The following RGPD1 variants were observed in gnomAD, a reference collection of about 807,000 sequenced individuals.
The protein encoded by RGPD1 is RANBP2-like and GRIP domain-containing protein 1.
Under a neutral mutation model 40.6 loss-of-function variants are expected in RGPD1, and 7 were observed. The ratio of observed to expected loss-of-function variants is 0.17; its 90% CI spans 0.10 to 0.32. The LOEUF (loss-of-function observed/expected upper bound fraction) is 0.32, where lower values mean the gene tolerates loss of function less well. Ranked by LOEUF, RGPD1 falls within the 10% of genes least tolerant of loss-of-function variation. The pLI is 1.00. For synonymous variants in RGPD1, 24 were observed against 167.0 expected, an observed-to-expected ratio of 0.14 and a Z score of 6.60; for missense variants, 50 against 472.5, an observed-to-expected ratio of 0.11 and a Z score of 8.29.
intron 1 of RGPD1, among the ~76,000 whole-genome samples, chr2:86,949,083 TATAA>T (rs1177797192): frequency 2.9e-5 from 4 of 138,494 alleles, no homozygotes; most frequent in Non-Finnish European, 6.2e-5. Flanking sequence ...TGGAAGATTA[TATAA>T]ATAAACATTT....
intron 1 of RGPD1, among the ~76,000 whole-genome samples, chr2:86,945,000 G>A (rs1338698880): frequency 6.7e-6 from 1 of 149,856 alleles, no homozygotes; most frequent in East Asian, 2.0e-4. Flanking sequence ...ACAGGTGTGA[G>A]CCACTCTGCT....
chr2:86,942,475 A>ACCTGGCCGGGCGGCGGCGGCGGCCTCGG (rs1309233320), intron 1 of RGPD1, among the ~76,000 whole-genome samples, 167 bp downstream of exon 1: 1 of 115,832 alleles, frequency 8.6e-6, no homozygotes, highest in Non-Finnish European at 1.8e-5. Context: ...GCCGGCCTCG[A>ACCTGGCCGGGCGGCGGCGGCGGCCTCGG]CCTGGCCGGG....
rs910597730 is a variant in RGPD1, at chr2:86,942,437, G to T, written c.72+129G>T. The T allele has an allele frequency of 1.2e-5, 12 of 980,426 alleles. 1 individual carries two copies. The highest frequency in any genetic ancestry group is 1.6e-5 in the African/African-American group (1 of 60,658). The allele number at this position is 980,426 out of a possible 1,614,324, so 60.7% of individuals were successfully genotyped here. The stretch of plus-strand genomic sequence containing the variant: ...TCAGGCGTCATGGCTCCCGACGGGC[G>T]CTGCTCCCTGGCGCGCTCTGTTGAG... On this transcript the variant is annotated intron_variant, in intron 1 of 22. Transcript: ENST00000641458.
intron 1 of RGPD1, chr2:86,914,047 G>A (rs1348711312): frequency 5.1e-5 from 4 of 78,268 alleles, no homozygotes; most frequent in East Asian, 8.3e-4. Flanking sequence ...GGCGGCGGCG[G>A]CGGCGGCGGC....
rs1553447684 is a variant in RGPD1 at position 86,942,542 on chromosome 2, C to CGGCGGCGGCGGCCTCGACCTGGCCA, written c.72+252_72+253insCTGGCCAGGCGGCGGCGGCCTCGAC. On this transcript the variant is annotated intron_variant, in intron 1 of 22. Transcript: ENST00000641458. The stretch of plus-strand genomic sequence containing the variant: ...CGGCGGCGGCCTCGACCTGGCCGGG[C>CGGCGGCGGCGGCCTCGACCTGGCCA]GGCGGCGGCGGCCTCGACGTGGCCC... Among the ~76,000 whole-genome samples, 2 of 74,042 alleles carry CGGCGGCGGCGGCCTCGACCTGGCCA rather than the reference C, an allele frequency of 2.7e-5. 1 individual carries two copies. The highest frequency in any genetic ancestry group is 9.0e-5 in the African/African-American group (2 of 22,286). 48.6% of individuals were successfully genotyped at this position (74,042 alleles called of 152,430 possible).
At chr2:86,943,979 A>G (rs1230333842) in intron 1 of RGPD1, among the ~76,000 whole-genome samples, 2 of 151,822 alleles carry the variant, frequency 1.3e-5, no homozygotes, top group Non-Finnish European at 1.5e-5. Flanking sequence ...GCGCTACTGC[A>G]CTCCAGCCTG....
At chr2:86,942,006 C>T (rs1344441993), upstream of RGPD1, among the ~76,000 whole-genome samples, 1 of 151,854 alleles carries the variant, frequency 6.6e-6, no homozygotes, top group Non-Finnish European at 1.5e-5. Context: ...GCCACGGCGC[C>T]CGGCGGGCAA....
At position 86,915,406 on chromosome 2, in the gene RGPD1, T is replaced by TA. The variant is rs1251677845; in HGVS notation, c.72+1489dup. On this transcript the variant is annotated intron_variant, in intron 1 of 22. Transcript: ENST00000398193. ...GTTGCTATAGAGATTCCTTGCCTTC[T>TA]AAAAGGTATTTCGTAATCACAAGGC... Among the ~76,000 whole-genome samples, 10 of 145,414 alleles carry TA rather than the reference T, an allele frequency of 6.9e-5. 1 individual carries two copies. The Middle Eastern group carries it at 0.014, about 205-fold the overall frequency.
At chr2:86,931,984 A>C (rs1356663024) in intron 1 of RGPD1, among the ~76,000 whole-genome samples, 1 of 148,166 alleles carries the variant, frequency 6.7e-6, no homozygotes, top group Non-Finnish European at 1.5e-5. Flanking sequence ...TATAATATTC[A>C]TATTATATAT....
At position 86,944,063 on chromosome 2, in the gene RGPD1, T is replaced by C. The variant is rs577705884; in HGVS notation, c.72+1755T>C. ...GAAACTCAACGGATGACCATGATTA[T>C]AATAGTAGCATAATTGTGTCTCTTA... On this transcript the variant is annotated intron_variant, in intron 1 of 22. Transcript: ENST00000641458. Among the ~76,000 whole-genome samples, 4 of 152,172 alleles carry C rather than the reference T, an allele frequency of 2.6e-5. No homozygotes were observed. In the South Asian group the frequency reaches 8.3e-4, roughly 32 times the overall value.
chr2:86,939,435 C>T (rs1272010735), upstream of RGPD1, among the ~76,000 whole-genome samples: 5 of 150,148 alleles, frequency 3.3e-5, no homozygotes, highest in African/African-American at 4.9e-5. Flanking sequence ...AACAATTAGC[C>T]GGGTGTGATG....
intron 1 of RGPD1, among the ~76,000 whole-genome samples, chr2:86,945,538 A>G (rs1194439921): frequency 2.0e-5 from 3 of 152,168 alleles, no homozygotes; most frequent in East Asian, 1.9e-4. Context: ...GCGTCTGTAT[A>G]TCATATCTTT....
At chr2:86,944,081 G>A (rs1680143582) in intron 1 of RGPD1, among the ~76,000 whole-genome samples, 1 of 151,996 alleles carries the variant, frequency 6.6e-6, no homozygotes, top group African/African-American at 2.4e-5. Flanking sequence ...GCATAATTGT[G>A]TCTCTTATCA....
chr2:86,938,575 T>C (rs1250138204), upstream of RGPD1, among the ~76,000 whole-genome samples: 4 of 151,392 alleles, frequency 2.6e-5, no homozygotes, highest in Non-Finnish European at 5.9e-5. Flanking sequence ...AGCTGACATA[T>C]TCAGACAAAG....
chr2:86,944,657 C>T lies in RGPD1; in HGVS notation c.72+2349C>T, dbSNP rs1490499831. On this transcript the variant is annotated intron_variant, in intron 1 of 22. Coordinates refer to ENST00000641458, the MANE Select transcript of RGPD1 (RefSeq NM_001382344.1). ...TGAACTCCTGGGCTCAAGTGATTTC[C>T]CCGCCTCCACTTCCCAAAGTGTTGG... 3.3e-5 allele frequency among the ~76,000 whole-genome samples: 5 copies of T among 152,116 alleles called. No individual in the cohort carries two copies. The East Asian group carries it at 7.7e-4, about 24-fold the overall frequency.
chr2:86,943,481 G>A (rs1573611226), intron 1 of RGPD1, among the ~76,000 whole-genome samples: 3 of 152,214 alleles, frequency 2.0e-5, no homozygotes. Context: ...AAGAGTGACG[G>A]AAGAAGCTAT....
intron 1 of RGPD1, among the ~76,000 whole-genome samples, chr2:86,949,763 C>A (rs1347178654): frequency 5.5e-5 from 1 of 18,218 alleles, no homozygotes; most frequent in Non-Finnish European, 1.1e-4. Flanking sequence ...GTTGTATCAG[C>A]TTTTTTTTTT....
chr2:86,941,552 G>C (rs1373280337), upstream of RGPD1, among the ~76,000 whole-genome samples: 1 of 150,296 alleles, frequency 6.7e-6, no homozygotes, highest in African/African-American at 2.5e-5. Flanking sequence ...GCGAATGGCT[G>C]TTCCTATATA....
At chr2:86,985,385 GATA>G (rs1342335520) in intron 19 of RGPD1, among the ~76,000 whole-genome samples, 188 bp from the exon 20 acceptor site, 1 of 55,674 alleles carries the variant, frequency 1.8e-5, no homozygotes, top group Non-Finnish European at 3.0e-5. Flanking sequence ...ATTAAAATGA[GATA>G]ATAATGTAAA....
Sources: allele counts gnomAD v4.1 joint callset (sites outside exome capture counted in the v4.1 genomes callset), GRCh38; gene constraint gnomAD v4.1.1; transcripts MANE v1.5; gene names NCBI Gene and HGNC (gene_info 2026-07-23, HGNC 2026-07-21).